Variants in FMN2 observed in about 807,000 individuals in gnomAD.
The protein encoded by FMN2 is formin-2.
In FMN2, 51 loss-of-function variants were observed where a neutral mutation model predicts 142.3. The observed-to-expected ratio is 0.36, with a 90% confidence interval of 0.29 to 0.45. FMN2 has a LOEUF of 0.45. FMN2 is among the 20% of genes least tolerant of loss of function. FMN2 has a pLI of 1.00. For missense variants in FMN2, 1,936 were observed against 2,122.8 expected, an observed-to-expected ratio of 0.91 and a Z score of 1.73; for synonymous variants, 882 against 869.8, an observed-to-expected ratio of 1.01 and a Z score of -0.25.
At chr1:240,147,816 C>T (rs1422035722) in intron 2 of FMN2, among the ~76,000 whole-genome samples, 1 of 152,116 alleles carries the variant, frequency 6.6e-6, no homozygotes, top group Non-Finnish European at 1.5e-5. Context: ...ACTGTGCTGC[C>T]TGGGAATATT....
chr1:240,222,014 A>ATTTTTTTTTTTT (rs71170722), intron 6 of FMN2, among the ~76,000 whole-genome samples: 1 of 129,742 alleles, frequency 7.7e-6, no homozygotes, highest in Non-Finnish European at 1.6e-5. Flanking sequence ...CACCCAGCTA[A>ATTTTTTTTTTTT]TTTTTTTTTT....
intron 3 of FMN2, among the ~76,000 whole-genome samples, chr1:240,180,569 T>TCTTTTC (rs966323866): frequency 1.4e-5 from 2 of 146,130 alleles, no homozygotes; most frequent in South Asian, 2.3e-4. Context: ...ATGACCCCTT[T>TCTTTTC]TTTTTTTTTT....
chr1:240,236,029 G>A (rs958635936), intron 6 of FMN2: 2 of 152,118 alleles, frequency 1.3e-5, no homozygotes, highest in Non-Finnish European at 2.9e-5. Context: ...AGTGTTTTTG[G>A]TGTGGAATTA....
chr1:240,114,434 A>G (rs1419904640), intron 1 of FMN2, among the ~76,000 whole-genome samples: 1 of 152,028 alleles, frequency 6.6e-6, no homozygotes, highest in Non-Finnish European at 1.5e-5. Context: ...GATGCTGTGT[A>G]CTTTATGATC....
chr1:240,367,453 T>C (rs6689621), intron 14 of FMN2, among the ~76,000 whole-genome samples: 66,655 of 151,884 alleles, frequency 0.44, 15,299 homozygotes, highest in African/African-American at 0.58. Context: ...TTTTTCTTGA[T>C]GGTGCATAAT....
intron 16 of FMN2, among the ~76,000 whole-genome samples, chr1:240,451,657 A>G (rs1676049778): frequency 6.6e-6 from 1 of 152,058 alleles, no homozygotes; most frequent in Non-Finnish European, 1.5e-5. Flanking sequence ...TGTCTCCACT[A>G]ACTTAGGAGT....
chr1:240,118,727 G>A (rs977248672), intron 1 of FMN2, among the ~76,000 whole-genome samples: 2 of 152,116 alleles, frequency 1.3e-5, no homozygotes, highest in East Asian at 1.9e-4. Context: ...TCAAGGTCTC[G>A]GGCGAGGTAT....
intron 6 of FMN2, among the ~76,000 whole-genome samples, chr1:240,235,142 G>T (rs1667659536): frequency 6.6e-6 from 1 of 151,958 alleles, no homozygotes; most frequent in African/African-American, 2.4e-5. Flanking sequence ...TAGTTTTTTG[G>T]CTTCTAATTC....
chr1:240,125,849 G>T (rs143422945), intron 2 of FMN2, among the ~76,000 whole-genome samples: 4 of 152,104 alleles, frequency 2.6e-5, no homozygotes, highest in Non-Finnish European at 5.9e-5. Context: ...GGCATCGAGC[G>T]TGAAAAACAA....
chr1:240,156,689 T>A (rs1007590537), intron 2 of FMN2, among the ~76,000 whole-genome samples: 3 of 152,138 alleles, frequency 2.0e-5, no homozygotes, highest in African/African-American at 7.2e-5. Flanking sequence ...TCCACTCTTG[T>A]GATGGGACGG....
At chr1:240,341,691 A>T (rs1209412847) in intron 13 of FMN2, among the ~76,000 whole-genome samples, 1 of 151,884 alleles carries the variant, frequency 6.6e-6, no homozygotes, top group Admixed American at 6.6e-5. Context: ...AAAATCATTC[A>T]CTGTCTTTTG....
chr1:240,325,382 A>C (rs372375392), intron 8 of FMN2, among the ~76,000 whole-genome samples: 90 of 151,306 alleles, frequency 5.9e-4, no homozygotes, highest in African/African-American at 2.1e-3. Context: ...GGAAGGCTTC[A>C]TTTGGCCATA....
chr1:240,284,598 C>G (rs1669524467), intron 7 of FMN2, among the ~76,000 whole-genome samples: 1 of 152,092 alleles, frequency 6.6e-6, no homozygotes, highest in African/African-American at 2.4e-5. Flanking sequence ...CTTTTAACAC[C>G]TAAAGACAAA....
intron 6 of FMN2, among the ~76,000 whole-genome samples, chr1:240,223,816 G>C (rs1667205903): frequency 6.6e-6 from 1 of 152,030 alleles, no homozygotes; most frequent in Admixed American, 6.6e-5. Context: ...TATTTCTGTG[G>C]GATCAGTGGT....
At chr1:240,288,510 C>CAG (rs1669666976) in intron 7 of FMN2, among the ~76,000 whole-genome samples, 1 of 152,094 alleles carries the variant, frequency 6.6e-6, no homozygotes, top group South Asian at 2.1e-4. Context: ...GTCCAAGGAA[C>CAG]AGAGAGCCAT....
chr1:240,405,591 C>G (rs911378662), intron 15 of FMN2, among the ~76,000 whole-genome samples: 9 of 150,366 alleles, frequency 6.0e-5, no homozygotes, highest in African/African-American at 7.4e-5. Context: ...GCACTCCAGC[C>G]TGGGCGACAA....
intron 13 of FMN2, among the ~76,000 whole-genome samples, chr1:240,354,569 A>T (rs11583785): frequency 0.3 from 45,775 of 151,984 alleles, 7,203 homozygotes; most frequent in Admixed American, 0.44. Flanking sequence ...CAGGTGAGGG[A>T]TGAGAAGCAG....
At chr1:240,314,155 A>G (rs967497201) in intron 8 of FMN2, among the ~76,000 whole-genome samples, 1 of 152,222 alleles carries the variant, frequency 6.6e-6, no homozygotes, top group African/African-American at 2.4e-5. Flanking sequence ...TAATTATCAT[A>G]TAAGAATTCC....
chr1:240,121,498 C>T (rs546714137), intron 1 of FMN2, among the ~76,000 whole-genome samples: 1 of 151,526 alleles, frequency 6.6e-6, no homozygotes, highest in African/African-American at 2.4e-5. Flanking sequence ...GCCTCAGCCT[C>T]CCAAGTAGCT....
Sources: allele counts gnomAD v4.1 joint callset (sites outside exome capture counted in the v4.1 genomes callset), GRCh38; gene constraint gnomAD v4.1.1; transcripts MANE v1.5; gene names NCBI Gene and HGNC (gene_info 2026-07-23, HGNC 2026-07-21).